Variants in VWC2 observed in about 807,000 individuals in gnomAD.
VWC2 encodes brorin.
A neutral mutation model predicts 29.8 loss-of-function variants in VWC2; 14 were observed. The ratio of observed to expected loss-of-function variants is 0.47; its 90% confidence interval spans 0.31 to 0.74. The LOEUF is 0.74. VWC2 is among the 30% of genes least tolerant of loss of function. The probability of loss-of-function intolerance (pLI) is 0.05; values close to 1 mark genes in which losing one functional copy is unlikely to be tolerated. For synonymous variants in VWC2, 213 were observed against 199.0 expected (o/e 1.07, Z -0.59); for missense variants, 457 against 459.8 (o/e 0.99, Z 0.05).
chr7:49,832,735 C>T (rs995769554), intron 3 of VWC2, among the ~76,000 whole-genome samples: 11 of 152,304 alleles, frequency 7.2e-5, no homozygotes, highest in African/African-American at 2.6e-4. Context: ...AACAGCCTCT[C>T]ATCAACTGTG....
At chr7:49,860,206 T>G (rs1396655102) in intron 3 of VWC2, among the ~76,000 whole-genome samples, 1 of 152,214 alleles carries the variant, frequency 6.6e-6, no homozygotes, top group Non-Finnish European at 1.5e-5. Flanking sequence ...TCCAAAATTT[T>G]TCATCATTCC....
At chr7:49,892,724 T>C (rs1792197086) in intron 3 of VWC2, among the ~76,000 whole-genome samples, 1 of 152,220 alleles carries the variant, frequency 6.6e-6, no homozygotes, top group Non-Finnish European at 1.5e-5. Flanking sequence ...GTTCTGCATA[T>C]TGTGTGCAAA....
In VWC2 at chr7:49,917,468, C is replaced by G. The variant is rs985537451; in HGVS notation, c.*5283C>G. ...TGAGCAGTTTATGATTTAAGACGTGCATACTGTTTAACTCTTTCCTTTAAA... is the reference window on the plus strand; with the variant it reads ...TGAGCAGTTTATGATTTAAGACGTGGATACTGTTTAACTCTTTCCTTTAAA... On this transcript the variant is annotated 3_prime_UTR_variant, in exon 4 of 4. Coordinates refer to ENST00000340652, the MANE Select transcript of VWC2 (RefSeq NM_198570.5). The G allele has an allele frequency of 1.3e-5, 2 of 152,136 alleles. No individual in the cohort carries two copies. Among genetic ancestry groups the G allele is most frequent in the Non-Finnish European group, 2.9e-5 (2 of 68,008 alleles). 9.4% of individuals were successfully genotyped at this position (152,136 alleles called of 1,614,324 possible).
At chr7:49,859,789 TGC>T (rs1562736638) in intron 3 of VWC2, among the ~76,000 whole-genome samples, 1 of 49,192 alleles carries the variant, frequency 2.0e-5, no homozygotes, top group Non-Finnish European at 4.0e-5. Context: ...TGCGCGTGCG[TGC>T]ACACACACAC....
chr7:49,918,610 G>C lies in VWC2; in HGVS notation c.*6425G>C, dbSNP rs1793847828. ...TTTACAAAATATAACCAAATATTGTGACCCAGTTTTTCTGGAGCCAAGAGA... is the reference window on the plus strand; with the variant it reads ...TTTACAAAATATAACCAAATATTGTCACCCAGTTTTTCTGGAGCCAAGAGA... On this transcript the variant is annotated 3_prime_UTR_variant, in exon 4 of 4. Coordinates refer to ENST00000340652, the MANE Select transcript of VWC2 (RefSeq NM_198570.5). The C allele has an allele frequency of 1.3e-5, 2 of 152,114 alleles. 1 individual carries two copies. Among genetic ancestry groups the C allele is most frequent in the South Asian group, 4.1e-4 (2 of 4,830 alleles). 9.4% of individuals were successfully genotyped at this position (152,114 alleles called of 1,614,324 possible).
chr7:49,856,518 A>G (rs1790423080), intron 3 of VWC2, among the ~76,000 whole-genome samples: 1 of 152,168 alleles, frequency 6.6e-6, no homozygotes, highest in Non-Finnish European at 1.5e-5. Flanking sequence ...TAACAACACA[A>G]AATGGACGAA....
At chr7:49,794,749 T>G (rs1788547086) in intron 2 of VWC2, among the ~76,000 whole-genome samples, 2 of 152,200 alleles carry the variant, frequency 1.3e-5, no homozygotes, top group South Asian at 4.1e-4. Flanking sequence ...CACTTCTTCG[T>G]TGTAGTTCAG....
intron 3 of VWC2, among the ~76,000 whole-genome samples, chr7:49,854,658 T>C (rs1349433752): frequency 1.3e-5 from 2 of 152,240 alleles, no homozygotes; most frequent in Admixed American, 6.5e-5. Context: ...TCCCATTCTG[T>C]AGGTTGCCTG....
At chr7:49,858,566 A>AG (rs1331049556) in intron 3 of VWC2, among the ~76,000 whole-genome samples, 1 of 50,614 alleles carries the variant, frequency 2.0e-5, no homozygotes, top group Non-Finnish European at 3.7e-5. Context: ...GGGGTGGGGG[A>AG]GGGGGGAGGG....
rs1029031386 is a variant in VWC2, at chr7:49,921,146, A to G, written c.*8961A>G. On this transcript the variant is annotated 3_prime_UTR_variant, in exon 4 of 4. Coordinates refer to ENST00000340652, the MANE Select transcript of VWC2 (RefSeq NM_198570.5). ...ACTGTGCTTAGTGTTGAAGATACCA[A>G]AGGGAATTCAAGTGAGGGGAAAAGA... 1.3e-5 allele frequency: 2 copies of G among 152,318 alleles called. 1 individual carries two copies. The highest frequency in any genetic ancestry group is 4.1e-4 in the South Asian group (2 of 4,830). The allele number at this position is 152,318 out of a possible 1,614,324, so 9.4% of individuals were successfully genotyped here.
chr7:49,851,264 T>A (rs1790169043), intron 3 of VWC2, among the ~76,000 whole-genome samples: 1 of 152,186 alleles, frequency 6.6e-6, no homozygotes, highest in African/African-American at 2.4e-5. Flanking sequence ...ACTTGGGTAA[T>A]CCAGGATGAT....
intron 3 of VWC2, among the ~76,000 whole-genome samples, chr7:49,845,293 GA>G (rs144167316): frequency 1.7e-4 from 25 of 145,484 alleles, no homozygotes; most frequent in Non-Finnish European, 2.6e-4. Context: ...AAAGTCGAAG[GA>G]AAAAAAAAAG....
At chr7:49,776,205 C>G in intron 2 of VWC2, 74 bp downstream of exon 2, 1 of 1,316,816 alleles carries the variant, frequency 7.6e-7, no homozygotes, top group Non-Finnish European at 1.0e-6. Context: ...TCTGTGGTCC[C>G]CCACTTTGAA....
At chr7:49,873,369 T>A (rs902512531) in intron 3 of VWC2, among the ~76,000 whole-genome samples, 1 of 152,034 alleles carries the variant, frequency 6.6e-6, no homozygotes, top group African/African-American at 2.4e-5. Flanking sequence ...GAGCAGGAGC[T>A]CTCTTGGGCC....
chr7:49,866,022 T>C lies in VWC2; in HGVS notation c.827-46012T>C, dbSNP rs1790869791. 2.0e-5 allele frequency among the ~76,000 whole-genome samples: 3 copies of C among 152,348 alleles called. No homozygotes were observed. In the South Asian group the frequency reaches 6.2e-4, roughly 32 times the overall value. On this transcript the variant is annotated intron_variant, in intron 3 of 3. Coordinates refer to ENST00000340652, the MANE Select transcript of VWC2 (RefSeq NM_198570.5). ...TACCTTGCTTTTATCATTTTTTCTTTTTTTAAATTTTCTTCCTTCCTTTGA... is the reference window on the plus strand; with the variant it reads ...TACCTTGCTTTTATCATTTTTTCTTCTTTTAAATTTTCTTCCTTCCTTTGA...
intron 3 of VWC2, among the ~76,000 whole-genome samples, chr7:49,860,892 G>A (rs1324362500): frequency 6.6e-6 from 1 of 152,218 alleles, no homozygotes; most frequent in Non-Finnish European, 1.5e-5. Context: ...GCCAAGGGGA[G>A]AGGCCTCAGC....
At chr7:49,799,762 A>G (rs1788691996) in intron 2 of VWC2, among the ~76,000 whole-genome samples, 2 of 152,210 alleles carry the variant, frequency 1.3e-5, no homozygotes, top group African/African-American at 2.4e-5. Context: ...ACAAATCTAG[A>G]TGGTGTAGCC....
chr7:49,859,054 C>T (rs371378925), intron 3 of VWC2, among the ~76,000 whole-genome samples: 2 of 152,204 alleles, frequency 1.3e-5, no homozygotes, highest in East Asian at 3.9e-4. Context: ...ACTAGTGACA[C>T]ATTTTGTTTT....
At chr7:49,817,302 C>T (rs539556653) in intron 3 of VWC2, among the ~76,000 whole-genome samples, 2 of 152,350 alleles carry the variant, frequency 1.3e-5, no homozygotes, top group East Asian at 3.9e-4. Flanking sequence ...TACAATAAAA[C>T]TGTTCATCCT....
Sources: allele counts gnomAD v4.1 joint callset (sites outside exome capture counted in the v4.1 genomes callset), GRCh38; gene constraint gnomAD v4.1.1; transcripts MANE v1.5; gene names NCBI Gene and HGNC (gene_info 2026-07-23, HGNC 2026-07-21).